Variants in CHCHD6 observed in about 807,000 individuals in gnomAD.
The protein encoded by CHCHD6 is coiled-coil-helix-coiled-coil-helix domain containing 6.
In CHCHD6, 28 loss-of-function variants were observed where a neutral mutation model predicts 32.3. The ratio of observed to expected loss-of-function variants is 0.87; its 90% CI spans 0.64 to 1.19. The LOEUF (loss-of-function observed/expected upper bound fraction) is 1.19. Among genes scored for constraint, CHCHD6 ranks in the 50% most tolerant of loss-of-function variants. The pLI is 0.00. For missense variants in CHCHD6, 333 were observed against 307.0 expected (o/e 1.08, Z -0.63); for synonymous variants, 122 against 117.5 (o/e 1.04, Z -0.25).
chr3:126,798,003 G>A (rs1032615672), intron 4 of CHCHD6, among the ~76,000 whole-genome samples: 1 of 152,194 alleles, frequency 6.6e-6, no homozygotes, highest in Non-Finnish European at 1.5e-5. Context: ...GCCTTGTGCT[G>A]TATGTGCTAA....
At chr3:126,709,615 C>T (rs765641456) in intron 1 of CHCHD6, among the ~76,000 whole-genome samples, 73 of 152,100 alleles carry the variant, frequency 4.8e-4, no homozygotes, top group Non-Finnish European at 4.1e-4. Context: ...ATATTTCCAC[C>T]AGCAATACAT....
intron 4 of CHCHD6, among the ~76,000 whole-genome samples, chr3:126,751,591 C>T (rs1936722588): frequency 6.6e-6 from 1 of 150,892 alleles, no homozygotes; most frequent in Non-Finnish European, 1.5e-5. Flanking sequence ...TGCTCCTTTG[C>T]TGGGGCCCTC....
chr3:126,709,976 A>G (rs752337039), intron 1 of CHCHD6, among the ~76,000 whole-genome samples: 9 of 152,256 alleles, frequency 5.9e-5, no homozygotes, highest in Non-Finnish European at 1.2e-4. Flanking sequence ...CACCAATCCT[A>G]CATGGATACC....
At chr3:126,789,687 C>A (rs879529329) in intron 4 of CHCHD6, among the ~76,000 whole-genome samples, 1 of 152,172 alleles carries the variant, frequency 6.6e-6, no homozygotes, top group Non-Finnish European at 1.5e-5. Flanking sequence ...GTAGATCTTC[C>A]TCCATCCCTT....
At chr3:126,850,791 C>T (rs573638443) in intron 4 of CHCHD6, among the ~76,000 whole-genome samples, 8 of 152,266 alleles carry the variant, frequency 5.3e-5, no homozygotes, top group Non-Finnish European at 2.9e-5. Flanking sequence ...GGATTGGTAA[C>T]AGTTAAGTGC....
At chr3:126,813,064 G>C (rs894629759) in intron 4 of CHCHD6, among the ~76,000 whole-genome samples, 3 of 152,196 alleles carry the variant, frequency 2.0e-5, no homozygotes, top group African/African-American at 7.2e-5. Context: ...ATGGAATATA[G>C]AATCAGAAAA....
At chr3:126,787,847 A>G (rs958418122) in intron 4 of CHCHD6, among the ~76,000 whole-genome samples, 1 of 152,188 alleles carries the variant, frequency 6.6e-6, no homozygotes, top group African/African-American at 2.4e-5. Flanking sequence ...CCCTGGCCAG[A>G]ACTTCCAACA....
intron 5 of CHCHD6, among the ~76,000 whole-genome samples, chr3:126,864,259 C>T: frequency 6.7e-6 from 1 of 149,978 alleles, no homozygotes; most frequent in South Asian, 2.2e-4. Context: ...ATCACCATCT[C>T]CCCCTCCTCC....
At chr3:126,864,395 A>ACCTCCT (rs761302657) in intron 5 of CHCHD6, among the ~76,000 whole-genome samples, 5 of 101,712 alleles carry the variant, frequency 4.9e-5, no homozygotes, top group Admixed American at 9.9e-5. Context: ...CTACACCACC[A>ACCTCCT]CCTCCTCCTC....
chr3:126,757,308 A>G (rs1335745677), intron 4 of CHCHD6, among the ~76,000 whole-genome samples: 1 of 152,216 alleles, frequency 6.6e-6, no homozygotes, highest in Non-Finnish European at 1.5e-5. Flanking sequence ...ATTTCAGGTA[A>G]GGGAAACTGA....
chr3:126,917,635 T>G (rs2078190626), intron 6 of CHCHD6, among the ~76,000 whole-genome samples: 1 of 152,230 alleles, frequency 6.6e-6, no homozygotes, highest in South Asian at 2.1e-4. Context: ...GTGTGACTGT[T>G]TGCTATGGAC....
At chr3:126,767,198 A>G in intron 4 of CHCHD6, 1 of 1,580,966 alleles carries the variant, frequency 6.3e-7, no homozygotes, top group South Asian at 1.1e-5. Context: ...TTCAGCCCCA[A>G]AGGCCATTTT....
At chr3:126,833,410 A>G (rs1260597633) in intron 4 of CHCHD6, among the ~76,000 whole-genome samples, 1 of 152,240 alleles carries the variant, frequency 6.6e-6, no homozygotes, top group Admixed American at 6.5e-5. Flanking sequence ...AGATCTGCAT[A>G]AATGTGTTAA....
intron 6 of CHCHD6, among the ~76,000 whole-genome samples, chr3:126,937,005 T>C (rs2078489786): frequency 6.6e-6 from 1 of 152,238 alleles, no homozygotes; most frequent in Non-Finnish European, 1.5e-5. Flanking sequence ...ACATGCAGCC[T>C]TACACTGGAG....
intron 4 of CHCHD6, among the ~76,000 whole-genome samples, chr3:126,743,100 C>A (rs941676725): frequency 6.6e-6 from 1 of 152,068 alleles, no homozygotes; most frequent in African/African-American, 2.4e-5. Context: ...GTTTTGAACC[C>A]TATGGGGAGC....
At chr3:126,871,016 G>A (rs1460164054) in intron 5 of CHCHD6, among the ~76,000 whole-genome samples, 1 of 152,178 alleles carries the variant, frequency 6.6e-6, no homozygotes. Flanking sequence ...GCTGAGCTGT[G>A]ATTCATCTGG....
chr3:126,868,812 A>G (rs1157026840), intron 5 of CHCHD6, among the ~76,000 whole-genome samples: 1 of 152,144 alleles, frequency 6.6e-6, no homozygotes, highest in Non-Finnish European at 1.5e-5. Flanking sequence ...ACTTTGACAA[A>G]CTTTCTAGCT....
At chr3:126,870,705 C>T (rs1467789679) in intron 5 of CHCHD6, among the ~76,000 whole-genome samples, 2 of 152,198 alleles carry the variant, frequency 1.3e-5, no homozygotes, top group African/African-American at 4.8e-5. Context: ...AGCACAGGGA[C>T]TTCACTATGC....
chr3:126,937,825 G>A (rs2078503359), intron 6 of CHCHD6, among the ~76,000 whole-genome samples: 1 of 152,106 alleles, frequency 6.6e-6, no homozygotes, highest in Non-Finnish European at 1.5e-5. Context: ...GAGGGCTGGA[G>A]GGTGTGGGGG....
Sources: allele counts gnomAD v4.1 joint callset (sites outside exome capture counted in the v4.1 genomes callset), GRCh38; gene constraint gnomAD v4.1.1; transcripts MANE v1.5; gene names NCBI Gene and HGNC (gene_info 2026-07-23, HGNC 2026-07-21).